Variants in VIT observed in about 807,000 individuals in gnomAD.
VIT encodes the protein vitrin.
A neutral mutation model predicts 78.0 loss-of-function variants in VIT; 99 were observed. The observed-to-expected ratio is 1.27, with a 90% confidence interval of 1.08 to 1.50. The LOEUF (loss-of-function observed/expected upper bound fraction) is 1.50, where lower values mean the gene tolerates loss of function less well. Among genes scored for constraint, VIT ranks in the 40% most tolerant of loss-of-function variants. The pLI is 0.00. For synonymous variants in VIT, 374 were observed against 334.3 expected (o/e 1.12, Z -1.29); for missense variants, 1,126 against 875.3 (o/e 1.29, Z -3.61).
At chr2:36,718,761 A>T (rs1861387) in intron 2 of VIT, among the ~76,000 whole-genome samples, 18,259 of 152,180 alleles carry the variant, frequency 0.12, 1,478 homozygotes, top group East Asian at 0.4. Context: ...AGACTGGGCA[A>T]GTTCCAGGGG....
At chr2:36,773,904 G>T in intron 8 of VIT, 57 bp downstream of exon 8, 3 of 1,531,748 alleles carry the variant, frequency 2.0e-6, no homozygotes, top group East Asian at 4.6e-5. Flanking sequence ...GTTTACATGC[G>T]GTTCCTCTCC....
intron 5 of VIT, among the ~76,000 whole-genome samples, chr2:36,758,024 C>A (rs903481659): frequency 1.3e-5 from 2 of 152,176 alleles, no homozygotes; most frequent in African/African-American, 4.8e-5. Flanking sequence ...CACCTAGGTT[C>A]TCTGTGCCAC....
intron 9 of VIT, among the ~76,000 whole-genome samples, chr2:36,776,178 G>T (rs900428870): frequency 3.3e-5 from 5 of 152,172 alleles, no homozygotes; most frequent in Non-Finnish European, 5.9e-5. Flanking sequence ...TAACTATCCA[G>T]AACTTCAGCT....
At chr2:36,796,256 C>G (rs1341969234) in intron 12 of VIT, among the ~76,000 whole-genome samples, 1 of 152,128 alleles carries the variant, frequency 6.6e-6, no homozygotes, top group Non-Finnish European at 1.5e-5. Flanking sequence ...ATATAATTAA[C>G]TATTTGTAAG....
chr2:36,787,399 T>C, intron 12 of VIT, 123 bp downstream of exon 12: 1 of 1,280,582 alleles, frequency 7.8e-7, no homozygotes, highest in East Asian at 2.6e-5. Flanking sequence ...ATTTGTTCTC[T>C]TCCCTAATGC....
chr2:36,738,676 A>G (rs1162442246), intron 3 of VIT, among the ~76,000 whole-genome samples: 1 of 152,224 alleles, frequency 6.6e-6, no homozygotes, highest in South Asian at 2.1e-4. Context: ...CCTAAAAGAT[A>G]GTAACATTCA....
intron 12 of VIT, among the ~76,000 whole-genome samples, chr2:36,799,535 T>A (rs1235156392): frequency 1.3e-5 from 2 of 152,016 alleles, no homozygotes; most frequent in African/African-American, 4.8e-5. Context: ...AGGGGCAACA[T>A]AGCAAGACCT....
chr2:36,772,085 T>G (rs769885453), intron 7 of VIT, among the ~76,000 whole-genome samples: 16 of 152,206 alleles, frequency 1.1e-4, no homozygotes, highest in Non-Finnish European at 8.8e-5. Flanking sequence ...AGTAAGCCTA[T>G]GTTATCTGCA....
intron 1 of VIT, among the ~76,000 whole-genome samples, chr2:36,700,675 G>A (rs777796218): frequency 2.6e-5 from 4 of 152,088 alleles, no homozygotes; most frequent in Non-Finnish European, 4.4e-5. Flanking sequence ...CCAGGCATTC[G>A]AGGTTGCAAT....
intron 15 of VIT, among the ~76,000 whole-genome samples, chr2:36,809,990 CAAAA>C (rs36123287): frequency 4.0e-5 from 4 of 100,764 alleles, no homozygotes; most frequent in Non-Finnish European, 3.6e-5. Context: ...GATCCTGTCT[CAAAA>C]AAAAAAAAAA....
At chr2:36,799,708 C>A (rs1666174127) in intron 12 of VIT, among the ~76,000 whole-genome samples, 1 of 117,456 alleles carries the variant, frequency 8.5e-6, no homozygotes, top group Non-Finnish European at 1.7e-5. Flanking sequence ...CAGAACGAAA[C>A]CCTGTCTCTG....
chr2:36,719,091 G>A lies in VIT; in HGVS notation c.52+2669G>A, dbSNP rs1225661301. On this transcript the variant is annotated intron_variant, in intron 2 of 15. Transcript: ENST00000379242. ...AGAACCAAGAAAGGAAGATCTGGCT[G>A]TCTTTTGTCCCCTGCCTTTCTCAGC... Among the ~76,000 whole-genome samples the A allele has an allele frequency of 2.0e-5, 3 of 152,228 alleles. No individual in the cohort carries two copies. In the East Asian group the frequency reaches 5.8e-4, roughly 29 times the overall value.
At chr2:36,723,012 C>A (rs1666610419) in intron 2 of VIT, among the ~76,000 whole-genome samples, 1 of 150,332 alleles carries the variant, frequency 6.7e-6, no homozygotes, top group Non-Finnish European at 1.5e-5. Flanking sequence ...ATATTAAATA[C>A]AAATGTAAAA....
chr2:36,798,676 C>T (rs1345741341), intron 12 of VIT, among the ~76,000 whole-genome samples: 1 of 152,108 alleles, frequency 6.6e-6, no homozygotes, highest in Non-Finnish European at 1.5e-5. Context: ...GGAGAATTGC[C>T]TAAACCCTGG....
intron 1 of VIT, among the ~76,000 whole-genome samples, chr2:36,714,700 C>A (rs1320704687): frequency 2.0e-5 from 3 of 152,230 alleles, no homozygotes; most frequent in African/African-American, 4.8e-5. Flanking sequence ...GTGCCCAGGG[C>A]AGATTCCTCC....
chr2:36,752,142 G>A (rs12052258), intron 4 of VIT, among the ~76,000 whole-genome samples: 148,661 of 152,296 alleles, frequency 0.98, 72,649 homozygotes, highest in East Asian at 1. Context: ...AATTCCCTTA[G>A]TTTCTTCAAA....
intron 9 of VIT, among the ~76,000 whole-genome samples, chr2:36,775,996 A>G (rs146979160): frequency 2.1e-3 from 313 of 152,324 alleles, no homozygotes; most frequent in African/African-American, 7.3e-3. Context: ...CAGCTATAAA[A>G]TCGTCAGATT....
chr2:36,699,164 A>G (rs1031923239), intron 1 of VIT, among the ~76,000 whole-genome samples: 1 of 152,110 alleles, frequency 6.6e-6, no homozygotes, highest in Non-Finnish European at 1.5e-5. Flanking sequence ...ACAGAACACA[A>G]TGGGCCTGTC....
intron 3 of VIT, among the ~76,000 whole-genome samples, chr2:36,742,234 A>G (rs1351640181): frequency 6.6e-6 from 1 of 152,130 alleles, no homozygotes; most frequent in Admixed American, 6.5e-5. Context: ...CCCTTCTGGG[A>G]TACAGTCAAT....
Sources: allele counts gnomAD v4.1 joint callset (sites outside exome capture counted in the v4.1 genomes callset), GRCh38; gene constraint gnomAD v4.1.1; transcripts MANE v1.5; gene names NCBI Gene and HGNC (gene_info 2026-07-23, HGNC 2026-07-21).